The following PPP1R9A variants were observed in gnomAD, a reference collection of about 807,000 sequenced individuals.
PPP1R9A encodes neurabin-1.
Under a neutral mutation model 141.9 loss-of-function variants are expected in PPP1R9A, and 59 were observed. That is an observed-to-expected ratio of 0.42 (90% CI 0.34 to 0.52). PPP1R9A has a LOEUF of 0.52. Among genes scored for constraint, PPP1R9A ranks in the 20% least tolerant of loss-of-function variants. The probability of loss-of-function intolerance (pLI) is 0.10; values close to 1 mark genes in which losing one functional copy is unlikely to be tolerated. For synonymous variants in PPP1R9A, 500 were observed against 569.7 expected (o/e 0.88, Z 1.74); for missense variants, 1,444 against 1,611.9 (o/e 0.90, Z 1.78).
chr7:95,028,492 T>C (rs747465709), intron 2 of PPP1R9A, among the ~76,000 whole-genome samples: 6 of 152,214 alleles, frequency 3.9e-5, no homozygotes, highest in Non-Finnish European at 5.9e-5. Context: ...TTTATTAATA[T>C]ATTGTTCATG....
intron 3 of PPP1R9A, among the ~76,000 whole-genome samples, chr7:95,113,269 C>A (rs755135539): frequency 2.0e-5 from 3 of 151,440 alleles, no homozygotes; most frequent in Non-Finnish European, 4.4e-5. Flanking sequence ...CAAGAAAAAT[C>A]ATGAAAGAGT....
chr7:95,073,650 A>G (rs1005870484), intron 2 of PPP1R9A, among the ~76,000 whole-genome samples: 14 of 109,854 alleles, frequency 1.3e-4, no homozygotes, highest in African/African-American at 4.9e-4. Flanking sequence ...TTTTTTTGTC[A>G]AGGCTCACAC....
At chr7:94,965,041 A>C (rs1257545627) in intron 2 of PPP1R9A, among the ~76,000 whole-genome samples, 1 of 152,104 alleles carries the variant, frequency 6.6e-6, no homozygotes. Context: ...ATGGTATCTC[A>C]TTGTGGTTTT....
intron 18 of PPP1R9A, among the ~76,000 whole-genome samples, chr7:95,288,150 T>A (rs1805692341): frequency 6.6e-6 from 1 of 152,242 alleles, no homozygotes; most frequent in South Asian, 2.1e-4. Flanking sequence ...TATTTGTTAA[T>A]ATATTTTTAC....
intron 2 of PPP1R9A, among the ~76,000 whole-genome samples, chr7:94,952,109 C>T (rs910018492): frequency 1.3e-5 from 2 of 152,062 alleles, no homozygotes; most frequent in Non-Finnish European, 2.9e-5. Flanking sequence ...CCTCCCCTAG[C>T]ACCCCACCTC....
chr7:95,133,544 C>CATATATAT (rs1825074069), intron 4 of PPP1R9A, among the ~76,000 whole-genome samples: 2 of 96,442 alleles, frequency 2.1e-5, no homozygotes, highest in Admixed American at 1.0e-4. Flanking sequence ...TATATATATG[C>CATATATAT]ACATCATTTA....
chr7:95,165,986 A>G (rs576149511), intron 5 of PPP1R9A, among the ~76,000 whole-genome samples: 2 of 152,066 alleles, frequency 1.3e-5, no homozygotes, highest in African/African-American at 2.4e-5. Context: ...CGTCTCTACT[A>G]AAAATATACA....
chr7:95,161,776 C>A, intron 4 of PPP1R9A, 91 bp from the exon 5 acceptor site: 1 of 804,428 alleles, frequency 1.2e-6, no homozygotes, highest in Non-Finnish European at 1.9e-6. Context: ...TTAAAAATCA[C>A]ATATTTTGTC....
At chr7:94,973,004 C>T (rs1313766364) in intron 2 of PPP1R9A, among the ~76,000 whole-genome samples, 2 of 152,156 alleles carry the variant, frequency 1.3e-5, no homozygotes, top group African/African-American at 2.4e-5. Flanking sequence ...GAAATAATGA[C>T]TTCCTGGACA....
chr7:95,212,325 TTAAAAA>T (rs1393869486), intron 7 of PPP1R9A, among the ~76,000 whole-genome samples: 1 of 152,032 alleles, frequency 6.6e-6, no homozygotes, highest in African/African-American at 2.4e-5. Flanking sequence ...AAGTCTTTTC[TTAAAAA>T]TAAAGAAAAA....
intron 2 of PPP1R9A, among the ~76,000 whole-genome samples, chr7:95,092,285 A>G (rs1237776497): frequency 6.6e-6 from 1 of 151,660 alleles, no homozygotes; most frequent in Non-Finnish European, 1.5e-5. Context: ...GAGAGCCAGC[A>G]CTGGAACAGG....
At chr7:95,189,551 C>T (rs1442793921) in intron 5 of PPP1R9A, among the ~76,000 whole-genome samples, 1 of 149,118 alleles carries the variant, frequency 6.7e-6, no homozygotes, top group Non-Finnish European at 1.5e-5. Context: ...ATTCTCCTGC[C>T]TCAGCCTCCC....
At chr7:95,195,391 C>A (rs1015828323) in intron 5 of PPP1R9A, among the ~76,000 whole-genome samples, 1 of 151,184 alleles carries the variant, frequency 6.6e-6, no homozygotes, top group East Asian at 2.0e-4. Context: ...AGCAGTCTCC[C>A]CACTTCAGCC....
intron 3 of PPP1R9A, among the ~76,000 whole-genome samples, chr7:95,119,241 A>T (rs1218314398): frequency 2.0e-5 from 3 of 152,164 alleles, no homozygotes; most frequent in Admixed American, 6.5e-5. Flanking sequence ...TATCTTTTAT[A>T]TATTCACAGA....
At chr7:95,098,681 C>A (rs1271928807) in intron 2 of PPP1R9A, among the ~76,000 whole-genome samples, 3 of 152,166 alleles carry the variant, frequency 2.0e-5, no homozygotes, top group African/African-American at 7.2e-5. Context: ...GCAGTTGTTT[C>A]TGATGACCTC....
rs367826153 is a variant in PPP1R9A at position 95,269,261 on chromosome 7, G to C, written c.2878G>C (p.Gly960Arg). 2.5e-6 allele frequency: 4 copies of C among 1,573,996 alleles called. No individual in the cohort carries two copies. Among genetic ancestry groups the C allele is most frequent in the Non-Finnish European group, 3.5e-6 (4 of 1,157,074 alleles). ...MHITKLLPPK[G>R]LRTSSPESDS... ...TATTACCAAATTACTTCCACCTAAG[G>C]GTTTGAGAACGTCTTCTCCAGAATC... The change falls in exon 14 of 20, where the codon GGT becomes CGT. Residue 960 changes from glycine (G) to arginine (R), a missense_variant. Physicochemically the swap from Gly to Arg is moderately radical, Grantham distance 125. Transcript: ENST00000433360.
intron 5 of PPP1R9A, among the ~76,000 whole-genome samples, chr7:95,164,741 C>CTTTTTTTTTTTTTTTTTTTTTTTT (rs200177321): frequency 1.7e-4 from 11 of 66,154 alleles, no homozygotes; most frequent in East Asian, 4.7e-4. Context: ...CTTTTCTTTT[C>CTTTTTTTTTTTTTTTTTTTTTTTT]TTTTTTTTTT....
At chr7:95,096,266 CAT>C (rs1227387126) in intron 2 of PPP1R9A, among the ~76,000 whole-genome samples, 1 of 152,172 alleles carries the variant, frequency 6.6e-6, no homozygotes, top group East Asian at 1.9e-4. Flanking sequence ...CATTCTCCCT[CAT>C]GTGTTCCTCT....
chr7:95,269,672 T>C (rs949151575), intron 14 of PPP1R9A, among the ~76,000 whole-genome samples, 165 bp downstream of exon 14: 3 of 152,170 alleles, frequency 2.0e-5, no homozygotes, highest in African/African-American at 7.2e-5. Flanking sequence ...TGTATTTTAC[T>C]TTAATTTAGT....
Sources: allele counts gnomAD v4.1 joint callset (sites outside exome capture counted in the v4.1 genomes callset), GRCh38; gene constraint gnomAD v4.1.1; transcripts MANE v1.5; gene names NCBI Gene and HGNC (gene_info 2026-07-23, HGNC 2026-07-21).